Variants in SLC35D1 observed in about 807,000 individuals in gnomAD.
SLC35D1 encodes nucleotide sugar transporter SLC35D1.
A neutral mutation model predicts 46.7 loss-of-function variants in SLC35D1; 31 were observed. That is an observed-to-expected ratio of 0.66 (90% CI 0.50 to 0.90). The LOEUF (loss-of-function observed/expected upper bound fraction) is 0.90. SLC35D1 is among the 40% of genes least tolerant of loss of function. The pLI, the probability that SLC35D1 is intolerant of heterozygous loss-of-function variation, is 0.00. For synonymous variants in SLC35D1, 195 were observed against 164.6 expected (o/e 1.18, Z -1.41); for missense variants, 397 against 426.2 (o/e 0.93, Z 0.60).
At chr1:67,038,834 TAC>T (rs112186155) in intron 8 of SLC35D1, among the ~76,000 whole-genome samples, 2 of 130,560 alleles carry the variant, frequency 1.5e-5, no homozygotes, top group African/African-American at 2.6e-5. Context: ...TAAATATGTA[TAC>T]ACACACACAC....
In SLC35D1 at chr1:67,004,154, G is replaced by C. The variant is rs1667398231; in HGVS notation, c.*186C>G. On this transcript the variant is annotated 3_prime_UTR_variant, in exon 12 of 12. Coordinates refer to ENST00000235345, the MANE Select transcript of SLC35D1 (RefSeq NM_015139.3). ...TAATTCAAACAACATATTTAAAATA[G>C]AGTCAATTATAAGTTTCTCTCTTCA... 1.7e-6 allele frequency: 1 copy of C among 601,502 alleles called. No individual in the cohort carries two copies. Among genetic ancestry groups the C allele is most frequent in the Admixed American group, 2.7e-5 (1 of 37,564 alleles). 37.3% of individuals were successfully genotyped at this position (601,502 alleles called of 1,614,324 possible). A position where few individuals can be genotyped will look rare whatever the true frequency, so the allele number is the denominator to read the frequency against.
intron 1 of SLC35D1, among the ~76,000 whole-genome samples, 157 bp downstream of exon 1, chr1:67,053,654 T>C (rs1645336396): frequency 6.6e-6 from 1 of 151,818 alleles, no homozygotes; most frequent in Non-Finnish European, 1.5e-5. Flanking sequence ...CCGGCTCCGC[T>C]GCCCGGGCCG....
At chr1:66,979,344 C>T in the SLC35D1 span, among the ~76,000 whole-genome samples, 2 of 152,262 alleles carry the variant, frequency 1.3e-5, no homozygotes, top group African/African-American at 4.8e-5. Flanking sequence ...TCTCATCCTT[C>T]TTTTTAGGTC....
chr1:67,040,942 C>T (rs1668230004), intron 8 of SLC35D1, among the ~76,000 whole-genome samples: 1 of 152,168 alleles, frequency 6.6e-6, no homozygotes, highest in African/African-American at 2.4e-5. Flanking sequence ...CTAGTCTGCT[C>T]CAAAGCACAC....
rs549004648 is a variant in SLC35D1, at chr1:67,002,489, T to C, written c.*1851A>G. 6 of 152,464 alleles carry C rather than the reference T, an allele frequency of 3.9e-5. No individual in the cohort carries two copies. Among genetic ancestry groups the C allele is most frequent in the East Asian group, 1.9e-4 (1 of 5,324 alleles). The allele number at this position is 152,464 out of a possible 1,614,324, so 9.4% of individuals were successfully genotyped here. ...TCTTTCTCTGAGTTTTGTTTTCTCA[T>C]TGGTAAAATAGGGAGAGTAAGACCC... On this transcript the variant is annotated 3_prime_UTR_variant, in exon 12 of 12. Coordinates refer to ENST00000235345, the MANE Select transcript of SLC35D1 (RefSeq NM_015139.3).
At chr1:66,976,590 T>TA in the SLC35D1 span, 1 of 1,563,190 alleles carries the variant, frequency 6.4e-7, no homozygotes, top group Non-Finnish European at 8.6e-7. Context: ...ATTTGTTTCT[T>TA]ACAGGTCCGA....
Position 67,047,343 on chromosome 1 carries a change from T to C in SLC35D1, c.558A>G (p.Glu186=). The C allele has an allele frequency of 6.2e-7, 1 of 1,613,328 alleles. No individual in the cohort carries two copies. Among genetic ancestry groups the C allele is most frequent in the Admixed American group, 1.7e-5 (1 of 60,026 alleles). The part of the protein sequence containing the change: ...AASSDLAFDL[E]GYAFILINDV... The stretch of plus-strand genomic sequence containing the variant: ...CGTTTATCAGAATAAAAGCATATCC[T>C]TCCAGATCAAATGCCAAGTCAGAGC... Residue 186 remains glutamate (E), a synonymous_variant, in exon 7 of 12, where the codon GAA becomes GAG. Coordinates refer to ENST00000235345, the MANE Select transcript of SLC35D1 (RefSeq NM_015139.3).
chr1:67,012,545 CAAAAAAA>C (rs10674963), intron 10 of SLC35D1, among the ~76,000 whole-genome samples: 44 of 103,194 alleles, frequency 4.3e-4, no homozygotes, highest in African/African-American at 7.3e-4. Context: ...ACTCCTAAAT[CAAAAAAA>C]AAAAAAAAAA....
At chr1:66,990,997 G>A in the SLC35D1 span, among the ~76,000 whole-genome samples, 1 of 152,110 alleles carries the variant, frequency 6.6e-6, no homozygotes, top group Non-Finnish European at 1.5e-5. Flanking sequence ...TGTCTCTCCT[G>A]CTTAGGGCCT....
chr1:67,013,429 T>TA (rs1398612442), intron 10 of SLC35D1, among the ~76,000 whole-genome samples: 2 of 151,604 alleles, frequency 1.3e-5, no homozygotes, highest in Non-Finnish European at 2.9e-5. Context: ...GTCACAAGTG[T>TA]CTGTAGTCCC....
Position 67,020,385 on chromosome 1 carries a change from A to G in SLC35D1, c.860T>C (p.Ile287Thr), listed in dbSNP as rs759969801. 6.2e-7 allele frequency: 1 copy of G among 1,603,810 alleles called. No individual in the cohort carries two copies. Among genetic ancestry groups the G allele is most frequent in the Non-Finnish European group, 8.5e-7 (1 of 1,170,688 alleles). ...TQYNSALTTT[I>T]VGCIKNILIT... ...TCTACTTACCTTAATACAGCCAACT[A>G]TTGTAGTTGTAAGAGCAGAATTATA... is the stretch of plus-strand genomic sequence containing the variant. The change falls in exon 10 of 12, where the codon ATA (isoleucine) becomes ACA (threonine). Residue 287 changes from isoleucine to threonine, a missense_variant. Coordinates refer to ENST00000235345, the MANE Select transcript of SLC35D1 (RefSeq NM_015139.3).
At chr1:66,981,974 G>A in the SLC35D1 span, 3 of 1,582,954 alleles carry the variant, frequency 1.9e-6, no homozygotes, top group African/African-American at 1.3e-5. Context: ...CTTTCTTGCA[G>A]TGACTTGGGA....
chr1:67,029,758 T>G (rs1667981164), intron 8 of SLC35D1, among the ~76,000 whole-genome samples: 1 of 152,206 alleles, frequency 6.6e-6, no homozygotes, highest in African/African-American at 2.4e-5. Context: ...AGTTGAATGT[T>G]AAATCTACAT....
At chr1:67,023,733 G>A (rs758687827) in intron 8 of SLC35D1, among the ~76,000 whole-genome samples, 6 of 151,908 alleles carry the variant, frequency 3.9e-5, no homozygotes, top group African/African-American at 1.2e-4. Flanking sequence ...TGATCCGCCC[G>A]CCCTAGCTTC....
chr1:66,978,902 T>A, the SLC35D1 span, among the ~76,000 whole-genome samples: 1 of 152,314 alleles, frequency 6.6e-6, no homozygotes, highest in Admixed American at 6.5e-5. Context: ...CTGAAAACTT[T>A]TTGAAGATAC....
chr1:67,018,830 C>T (rs1667737753), intron 10 of SLC35D1, among the ~76,000 whole-genome samples: 1 of 152,208 alleles, frequency 6.6e-6, no homozygotes, highest in Admixed American at 6.5e-5. Flanking sequence ...GCACTGTATC[C>T]TGTGAGACTT....
the SLC35D1 span, among the ~76,000 whole-genome samples, chr1:66,974,861 G>A: frequency 9.2e-5 from 14 of 152,206 alleles, no homozygotes; most frequent in South Asian, 2.7e-3. Context: ...TATTTTGAGG[G>A]CTTTTGTTGA....
downstream of SLC35D1, among the ~76,000 whole-genome samples, chr1:66,994,921 G>GAAA (rs61387414): frequency 1.0e-5 from 1 of 96,516 alleles, no homozygotes; most frequent in East Asian, 3.6e-4. Flanking sequence ...GGCAAAAAAA[G>GAAA]AAAAAAAAAA....
chr1:67,039,733 AT>A (rs1433691841), intron 8 of SLC35D1, among the ~76,000 whole-genome samples: 1 of 152,150 alleles, frequency 6.6e-6, no homozygotes, highest in Non-Finnish European at 1.5e-5. Context: ...ATCAGCACTG[AT>A]TATAGGGGAG....
Sources: allele counts gnomAD v4.1 joint callset (sites outside exome capture counted in the v4.1 genomes callset), GRCh38; gene constraint gnomAD v4.1.1; transcripts MANE v1.5; gene names NCBI Gene and HGNC (gene_info 2026-07-23, HGNC 2026-07-21).